The following CFAP95 variants were observed in gnomAD, a reference collection of about 807,000 sequenced individuals.
The protein encoded by CFAP95 is cilia- and flagella-associated protein 95.
the CFAP95 span, among the ~76,000 whole-genome samples, chr9:69,899,046 G>T: frequency 6.6e-6 from 1 of 152,048 alleles, no homozygotes; most frequent in Non-Finnish European, 1.5e-5. Context: ...ATAAGCCTTT[G>T]TGCACTAATG....
chr9:69,829,880 C>T, the CFAP95 span, among the ~76,000 whole-genome samples: 2 of 152,146 alleles, frequency 1.3e-5, no homozygotes, highest in Admixed American at 6.5e-5. Context: ...CATCCCCATT[C>T]GCACCATTTT....
chr9:69,897,278 A>G, the CFAP95 span, among the ~76,000 whole-genome samples: 1 of 152,242 alleles, frequency 6.6e-6, no homozygotes, highest in Non-Finnish European at 1.5e-5. Flanking sequence ...GAGCATCCTT[A>G]TAGGCATACT....
chr9:69,855,228 ACTC>A, the CFAP95 span, among the ~76,000 whole-genome samples: 1 of 151,968 alleles, frequency 6.6e-6, no homozygotes, highest in African/African-American at 2.4e-5. Context: ...GTTTCCTTTT[ACTC>A]CTCTATTTTA....
the CFAP95 span, among the ~76,000 whole-genome samples, chr9:69,881,068 C>T: frequency 6.6e-6 from 1 of 151,906 alleles, no homozygotes; most frequent in Admixed American, 6.6e-5. Context: ...TAACTAATCC[C>T]TTGTCAGATG....
the CFAP95 span, among the ~76,000 whole-genome samples, chr9:69,846,098 A>G: frequency 1.3e-5 from 2 of 152,208 alleles, no homozygotes; most frequent in Admixed American, 6.5e-5. Context: ...TTGGTCCTTA[A>G]AAAACATTTA....
chr9:69,878,240 C>A, the CFAP95 span, among the ~76,000 whole-genome samples: 3 of 152,148 alleles, frequency 2.0e-5, no homozygotes, highest in Non-Finnish European at 4.4e-5. Context: ...TTGTACTGCT[C>A]CTTCCCAGAA....
chr9:69,852,315 C>T, the CFAP95 span, among the ~76,000 whole-genome samples: 1 of 152,004 alleles, frequency 6.6e-6, no homozygotes, highest in Non-Finnish European at 1.5e-5. Flanking sequence ...AGTGAGATGC[C>T]AACCCACTCA....
chr9:69,828,143 C>G, the CFAP95 span, among the ~76,000 whole-genome samples: 1 of 152,172 alleles, frequency 6.6e-6, no homozygotes, highest in Non-Finnish European at 1.5e-5. Context: ...AAGAAAATAT[C>G]TCACTCAGAA....
At chr9:69,878,255 T>C in the CFAP95 span, among the ~76,000 whole-genome samples, 2 of 152,216 alleles carry the variant, frequency 1.3e-5, no homozygotes, top group African/African-American at 2.4e-5. Flanking sequence ...CCAGAAGCAG[T>C]GTCTTCCCAA....
chr9:69,870,820 T>C, the CFAP95 span, among the ~76,000 whole-genome samples: 3,432 of 152,244 alleles, frequency 0.023, 64 homozygotes, highest in Middle Eastern at 0.061. Flanking sequence ...CAGGAAAGGC[T>C]TCTGGGTAGA....
chr9:69,840,859 C>T, the CFAP95 span, among the ~76,000 whole-genome samples: 5 of 151,978 alleles, frequency 3.3e-5, no homozygotes, highest in African/African-American at 4.8e-5. Flanking sequence ...CCGGCAGGCA[C>T]GAGGAAATGC....
chr9:69,879,517 C>T, the CFAP95 span, among the ~76,000 whole-genome samples: 4 of 152,138 alleles, frequency 2.6e-5, no homozygotes, highest in East Asian at 3.9e-4. Context: ...GGGAGCTGTG[C>T]GCATATGTAA....
At chr9:69,864,050 G>T in the CFAP95 span, among the ~76,000 whole-genome samples, 1 of 152,158 alleles carries the variant, frequency 6.6e-6, no homozygotes, top group South Asian at 2.1e-4. Flanking sequence ...CTCCCCAGGA[G>T]TACTGAGTTC....
chr9:69,827,258 C>T, the CFAP95 span, among the ~76,000 whole-genome samples: 2 of 152,088 alleles, frequency 1.3e-5, no homozygotes, highest in East Asian at 3.8e-4. Flanking sequence ...ATCATGCAGG[C>T]ATTTAAGATG....
At chr9:69,885,821 T>C in the CFAP95 span, among the ~76,000 whole-genome samples, 1 of 152,166 alleles carries the variant, frequency 6.6e-6, no homozygotes, top group African/African-American at 2.4e-5. Context: ...AATGCAGAGC[T>C]CCTGAGCTCA....
chr9:69,846,810 A>G, the CFAP95 span, among the ~76,000 whole-genome samples: 1 of 152,228 alleles, frequency 6.6e-6, no homozygotes. Flanking sequence ...CAGGAACCAC[A>G]TGCCTTAAAG....
At chr9:69,888,138 G>A in the CFAP95 span, among the ~76,000 whole-genome samples, 1 of 152,066 alleles carries the variant, frequency 6.6e-6, no homozygotes, top group Non-Finnish European at 1.5e-5. Flanking sequence ...AATTCCAATG[G>A]AATTTGTTTT....
the CFAP95 span, among the ~76,000 whole-genome samples, chr9:69,867,520 G>A: frequency 1.3e-5 from 2 of 152,198 alleles, no homozygotes; most frequent in Non-Finnish European, 2.9e-5. Flanking sequence ...AGAGATGGCT[G>A]CAGCACTTTT....
chr9:69,857,978 G>A, the CFAP95 span: 3 of 1,613,474 alleles, frequency 1.9e-6, no homozygotes, highest in South Asian at 1.1e-5. Flanking sequence ...GGAGCAAAAT[G>A]TTAGTAGTCC....
Sources: allele counts gnomAD v4.1 joint callset (sites outside exome capture counted in the v4.1 genomes callset), GRCh38; gene constraint gnomAD v4.1.1; transcripts MANE v1.5; gene names NCBI Gene and HGNC (gene_info 2026-07-23, HGNC 2026-07-21).